The following PLA2G4A variants were observed in gnomAD, a reference collection of about 807,000 sequenced individuals.
PLA2G4A encodes cytosolic phospholipase A2.
A neutral mutation model predicts 81.9 loss-of-function variants in PLA2G4A; 40 were observed. That is an observed-to-expected ratio of 0.49 (90% confidence interval 0.38 to 0.64). The LOEUF is 0.64. PLA2G4A is among the 30% of genes least tolerant of loss of function. PLA2G4A has a pLI of 0.00. For missense variants in PLA2G4A, 715 were observed against 905.1 expected (o/e 0.79, Z 2.69); for synonymous variants, 302 against 296.9 (o/e 1.02, Z -0.18).
chr1:186,882,620 G>A (rs1339985936), intron 3 of PLA2G4A, among the ~76,000 whole-genome samples: 2 of 152,068 alleles, frequency 1.3e-5, no homozygotes, highest in Non-Finnish European at 2.9e-5. Flanking sequence ...GGGGGGTTGG[G>A]AGGGAGCCTT....
chr1:186,878,777 C>T (rs1003687529), intron 3 of PLA2G4A, among the ~76,000 whole-genome samples: 3 of 151,798 alleles, frequency 2.0e-5, no homozygotes, highest in Admixed American at 6.6e-5. Flanking sequence ...CGGATGAACA[C>T]AGTGAATAAT....
intron 12 of PLA2G4A, among the ~76,000 whole-genome samples, chr1:186,948,528 A>G (rs76296294): frequency 1.3e-5 from 2 of 151,768 alleles, no homozygotes; most frequent in African/African-American, 4.8e-5. Context: ...AAAAAAAAAA[A>G]AAGAAGAAGA....
chr1:186,843,540 C>G (rs1475164557), intron 1 of PLA2G4A, among the ~76,000 whole-genome samples: 1 of 152,008 alleles, frequency 6.6e-6, no homozygotes, highest in Non-Finnish European at 1.5e-5. Flanking sequence ...AAGACTGACA[C>G]GTGTATAATG....
intron 12 of PLA2G4A, 112 bp downstream of exon 12, chr1:186,947,073 T>C (rs1656372756): frequency 2.9e-6 from 2 of 685,296 alleles, no homozygotes; most frequent in African/African-American, 1.8e-5. Flanking sequence ...ATTCTAAATT[T>C]ATTAATAATT....
At chr1:186,858,445 G>T (rs568935050) in intron 2 of PLA2G4A, among the ~76,000 whole-genome samples, 2 of 152,122 alleles carry the variant, frequency 1.3e-5, no homozygotes, top group Non-Finnish European at 2.9e-5. Context: ...CCCACTTTTT[G>T]ATAGGGTTGT....
chr1:186,928,657 T>TG (rs1469620995), intron 7 of PLA2G4A, among the ~76,000 whole-genome samples: 1 of 152,142 alleles, frequency 6.6e-6, no homozygotes, highest in Non-Finnish European at 1.5e-5. Flanking sequence ...CTGACTAATA[T>TG]GGGGGGCCAA....
At position 186,939,102 on chromosome 1, in the gene PLA2G4A, C is replaced by G; in HGVS notation, c.790C>G (p.Leu264Val). 2 of 1,608,826 alleles carry G rather than the reference C, an allele frequency of 1.2e-6. No individual in the cohort carries two copies. Among genetic ancestry groups the G allele is most frequent in the African/African-American group, 1.3e-5 (1 of 74,892 alleles). ...AATGAAAAATGTTAGCCACAATCCCCTTTTACTTCTCACACCACAGAAAGT... is the reference window on the plus strand; with the variant it reads ...AATGAAAAATGTTAGCCACAATCCCGTTTTACTTCTCACACCACAGAAAGT... ...ELMKNVSHNP[L>V]LLLTPQKVKR... The change falls in exon 9 of 18, where the codon CTT becomes GTT. Residue 264 changes from leucine to valine, a missense_variant. Coordinates refer to ENST00000367466, the MANE Select transcript of PLA2G4A (RefSeq NM_024420.3).
At chr1:186,953,529 C>T (rs1656639324) in intron 13 of PLA2G4A, among the ~76,000 whole-genome samples, 1 of 152,048 alleles carries the variant, frequency 6.6e-6, no homozygotes, top group Non-Finnish European at 1.5e-5. Context: ...CTTTTATTCT[C>T]TTGAGGCTCT....
intron 17 of PLA2G4A, among the ~76,000 whole-genome samples, chr1:186,983,793 C>G (rs373234717): frequency 6.6e-6 from 1 of 152,014 alleles, no homozygotes; most frequent in South Asian, 2.1e-4. Context: ...TGGAGTCTGA[C>G]CAAATTGGGT....
In PLA2G4A at chr1:186,988,637, G is replaced by A; in HGVS notation, c.*129G>A. 1.3e-6 allele frequency: 1 copy of A among 789,608 alleles called. No individual in the cohort carries two copies. The highest frequency in any genetic ancestry group is 2.2e-6 in the Non-Finnish European group (1 of 451,820). 48.9% of individuals were successfully genotyped at this position (789,608 alleles called of 1,614,324 possible). ...AGACTGGCTGATACTCAAAGTTGCA[G>A]TTACTTAGCTGCATGAGAATAATAC... On this transcript the variant is annotated 3_prime_UTR_variant, in exon 18 of 18. Transcript: ENST00000367466.
rs564470339 is a variant in PLA2G4A at position 186,983,930 on chromosome 1, G to A, written c.2119-4447G>A. Among the ~76,000 whole-genome samples the A allele has an allele frequency of 1.4e-4, 21 of 152,262 alleles. No individual in the cohort carries two copies. In the South Asian group the frequency reaches 3.3e-3, roughly 24 times the overall value. On this transcript the variant is annotated intron_variant, in intron 17 of 17. Transcript: ENST00000367466. ...ATATATCATGTAGGATCAGGATGGGGATTAAGTAGAATAATATAACTTAAG... is the reference window on the plus strand; with the variant it reads ...ATATATCATGTAGGATCAGGATGGGAATTAAGTAGAATAATATAACTTAAG...
At chr1:186,961,018 T>C (rs1210118270) in intron 14 of PLA2G4A, among the ~76,000 whole-genome samples, 1 of 152,204 alleles carries the variant, frequency 6.6e-6, no homozygotes. Context: ...ACTTACTGGT[T>C]TGGCTTGGTT....
At chr1:186,871,667 G>C (rs1018305015) in intron 3 of PLA2G4A, among the ~76,000 whole-genome samples, 4 of 152,108 alleles carry the variant, frequency 2.6e-5, no homozygotes, top group African/African-American at 9.7e-5. Flanking sequence ...GGAGGTGGGG[G>C]CTGGAAGGGC....
intron 2 of PLA2G4A, among the ~76,000 whole-genome samples, chr1:186,857,379 T>C (rs2102033962): frequency 7.9e-6 from 1 of 127,038 alleles, no homozygotes; most frequent in East Asian, 2.1e-4. Flanking sequence ...ATATGTATTA[T>C]ATAAATGTAA....
At chr1:186,893,421 T>A (rs901239304) in intron 4 of PLA2G4A, among the ~76,000 whole-genome samples, 1 of 152,140 alleles carries the variant, frequency 6.6e-6, no homozygotes, top group East Asian at 1.9e-4. Context: ...AAGGAGAGAA[T>A]CCCAGTATAA....
rs546355935 is a variant in PLA2G4A at position 186,856,393 on chromosome 1, C to CT, written c.33+2020dup. 3.3e-3 allele frequency among the ~76,000 whole-genome samples: 441 copies of CT among 134,944 alleles called. 3 individuals carry two copies. In the South Asian group the frequency reaches 0.033, roughly 10 times the overall value. The allele number at this position is 134,944 out of a possible 152,430, so 88.5% of individuals were successfully genotyped here. ...AACTTTATTTTCCAATTAGTTGTTG[C>CT]TTTTTTTTTTTTTTGAGATGGAGTC... On this transcript the variant is annotated intron_variant, in intron 2 of 17. Coordinates refer to ENST00000367466, the MANE Select transcript of PLA2G4A (RefSeq NM_024420.3).
chr1:186,950,752 G>T, intron 13 of PLA2G4A, 24 bp downstream of exon 13: 1 of 1,356,842 alleles, frequency 7.4e-7, no homozygotes, highest in Non-Finnish European at 1.1e-6. Context: ...AAACTTTTCT[G>T]GCCCAGATCC....
At chr1:186,940,149 C>T in intron 10 of PLA2G4A, 55 bp downstream of exon 10, 2 of 953,136 alleles carry the variant, frequency 2.1e-6, no homozygotes, top group Admixed American at 1.7e-5. Context: ...TGCAGTTTCC[C>T]ATGGTTTTCC....
chr1:186,872,596 G>T (rs1192211046), intron 3 of PLA2G4A, among the ~76,000 whole-genome samples: 1 of 152,008 alleles, frequency 6.6e-6, no homozygotes, highest in African/African-American at 2.4e-5. Context: ...TCCAACAGCA[G>T]TTCAAACTTT....
Sources: gnomAD v4.1 joint callset for allele counts (sites outside exome capture counted in the v4.1 genomes callset) on GRCh38, gnomAD v4.1.1 for gene constraint, MANE v1.5 for transcripts, NCBI Gene and HGNC (gene_info 2026-07-23, HGNC 2026-07-21) for gene names.